Variants in PRKCB observed in about 807,000 individuals in gnomAD.
PRKCB encodes the protein protein kinase C beta type.
Under a neutral mutation model 81.5 loss-of-function variants are expected in PRKCB, and 13 were observed. The ratio of observed to expected loss-of-function variants is 0.16; its 90% CI spans 0.10 to 0.25. The LOEUF is 0.25. PRKCB is among the 10% of genes least tolerant of loss of function. The probability of loss-of-function intolerance (pLI) is 1.00; values close to 1 mark genes in which losing one functional copy is unlikely to be tolerated. For synonymous variants in PRKCB, 335 were observed against 321.4 expected (o/e 1.04, Z -0.45); for missense variants, 509 against 875.7 (o/e 0.58, Z 5.29).
intron 2 of PRKCB, among the ~76,000 whole-genome samples, chr16:23,933,057 G>A (rs1284849964): frequency 8.3e-6 from 1 of 120,414 alleles, no homozygotes; most frequent in Non-Finnish European, 1.9e-5. Flanking sequence ...ATCCAATGGC[G>A]ATTCCTTCTT....
intron 16 of PRKCB, among the ~76,000 whole-genome samples, chr16:24,195,172 G>T (rs1202693167): frequency 1.3e-5 from 2 of 149,862 alleles, no homozygotes; most frequent in African/African-American, 2.5e-5. Context: ...CTGCACTCTA[G>T]CCTGGGCAAC....
chr16:24,107,171 T>C (rs1362808690), intron 7 of PRKCB, among the ~76,000 whole-genome samples: 1 of 152,232 alleles, frequency 6.6e-6, no homozygotes, highest in Non-Finnish European at 1.5e-5. Flanking sequence ...CCCACTCTCG[T>C]ATTTGTTCCC....
intron 8 of PRKCB, among the ~76,000 whole-genome samples, chr16:24,121,606 G>C (rs899168740): frequency 6.6e-6 from 1 of 152,016 alleles, no homozygotes; most frequent in African/African-American, 2.4e-5. Flanking sequence ...TGAACTCCTG[G>C]CCTCAAGCAG....
chr16:24,219,078 G>T lies in PRKCB; in HGVS notation c.*4262G>T. 2.0e-6 allele frequency: 2 copies of T among 985,386 alleles called. No individual in the cohort carries two copies. Among genetic ancestry groups the T allele is most frequent in the Non-Finnish European group, 2.4e-6 (2 of 829,970 alleles). 61.0% of individuals were successfully genotyped at this position (985,386 alleles called of 1,614,324 possible). On this transcript the variant is annotated 3_prime_UTR_variant, in exon 17 of 17. Coordinates refer to ENST00000643927, the MANE Select transcript of PRKCB (RefSeq NM_002738.7). The stretch of plus-strand genomic sequence containing the variant: ...AAGAGGCTTGCAAGGACCCTGAAGA[G>T]GTCGGAGCATCATACAGATTCCTTT...
intron 5 of PRKCB, among the ~76,000 whole-genome samples, 166 bp downstream of exon 5, chr16:24,035,713 C>T (rs546305313): frequency 1.1e-4 from 17 of 152,122 alleles, no homozygotes; most frequent in Non-Finnish European, 2.5e-4. Flanking sequence ...CATGACAGCC[C>T]CTCCCTGCAG....
chr16:23,913,074 TG>T (rs753078949), intron 2 of PRKCB, among the ~76,000 whole-genome samples: 35 of 152,246 alleles, frequency 2.3e-4, no homozygotes, highest in Non-Finnish European at 4.0e-4. Context: ...ATGCTGGGAT[TG>T]CAGGCAAATC....
chr16:24,154,794 G>T lies in PRKCB; in HGVS notation c.1176G>T (p.Arg392=). The change falls in exon 10 of 17, where the codon CGG becomes CGT. Residue 392 remains arginine, a synonymous_variant. Transcript: ENST00000643927. ...DDVECTMVEK[R]VLALPGKPPF... ...TGGAGTGCACTATGGTGGAGAAGCG[G>T]GTGTTGGCCCTGCCTGGGAAGCCGC... 6.2e-7 allele frequency: 1 copy of T among 1,614,190 alleles called. No homozygotes were observed. The highest frequency in any genetic ancestry group is 8.5e-7 in the Non-Finnish European group (1 of 1,180,036).
chr16:24,099,488 A>G (rs1328259437), intron 7 of PRKCB: 1 of 152,204 alleles, frequency 6.6e-6, no homozygotes, highest in East Asian at 1.9e-4. Flanking sequence ...GTTAGATTAC[A>G]GTTTGGTTTT....
chr16:24,193,044 C>T (rs932810036), intron 16 of PRKCB, among the ~76,000 whole-genome samples: 4 of 152,024 alleles, frequency 2.6e-5, no homozygotes, highest in African/African-American at 9.7e-5. Context: ...ACTGCAACCT[C>T]GACCTCCAGG....
intron 2 of PRKCB, among the ~76,000 whole-genome samples, chr16:23,930,958 G>C (rs764026150): frequency 5.3e-5 from 8 of 152,234 alleles, no homozygotes; most frequent in African/African-American, 1.9e-4. Context: ...AAAGCAGGCA[G>C]CAGAGCTGAT....
intron 3 of PRKCB, among the ~76,000 whole-genome samples, chr16:24,023,390 A>G (rs1965432279): frequency 6.6e-6 from 1 of 151,732 alleles, no homozygotes; most frequent in Admixed American, 6.6e-5. Flanking sequence ...TTATTTTGAG[A>G]CGGAGTCTCG....
Position 24,039,238 on chromosome 16 carries a change from A to C in PRKCB, c.529+3691A>C, listed in dbSNP as rs538513696. 2.0e-3 allele frequency among the ~76,000 whole-genome samples: 310 copies of C among 151,594 alleles called. 1 individual carries two copies. Among genetic ancestry groups the C allele is most frequent in the African/African-American group, 6.6e-3 (273 of 41,320 alleles). ...TGTCTTTTTTTCTTTTTTTCTTTTT[A>C]TTTTGTTTTAGATGGAGTCTTGCTC... On this transcript the variant is annotated intron_variant, in intron 5 of 16. Coordinates refer to ENST00000643927, the MANE Select transcript of PRKCB (RefSeq NM_002738.7).
chr16:23,973,030 A>G (rs1176813139), intron 2 of PRKCB, among the ~76,000 whole-genome samples: 1 of 152,160 alleles, frequency 6.6e-6, no homozygotes, highest in African/African-American at 2.4e-5. Flanking sequence ...CTCCATGAGT[A>G]GGTACTCTTA....
intron 9 of PRKCB, among the ~76,000 whole-genome samples, chr16:24,148,871 C>G (rs1417284319): frequency 2.6e-5 from 4 of 152,096 alleles, no homozygotes; most frequent in Non-Finnish European, 5.9e-5. Context: ...CCTGCTTGGC[C>G]CTTTATAGAG....
chr16:23,898,631 T>G (rs9922316), intron 2 of PRKCB, among the ~76,000 whole-genome samples: 118,628 of 152,120 alleles, frequency 0.78, 46,997 homozygotes, highest in East Asian at 0.99. Context: ...AAATGAAGTT[T>G]AAACAAAAAC....
intron 2 of PRKCB, 143 bp downstream of exon 2, chr16:23,837,549 CA>C (rs1419712008): frequency 1.9e-6 from 2 of 1,055,528 alleles, no homozygotes; most frequent in Non-Finnish European, 2.7e-6. Context: ...TTCACCACAA[CA>C]GGGTCCTTTC....
rs921722303 is a variant in PRKCB, at chr16:23,983,858, G to A, written c.206-4650G>A. Among the ~76,000 whole-genome samples, 25 of 152,046 alleles carry A rather than the reference G, an allele frequency of 1.6e-4. No homozygotes were observed. The East Asian group carries it at 3.1e-3, about 19-fold the overall frequency. The stretch of plus-strand genomic sequence containing the variant: ...AGTCTCCTGGGTAGCTGGGATTACC[G>A]GGGCCTGCCACCACACTTTGCTAAT... On this transcript the variant is annotated intron_variant, in intron 2 of 16. Transcript: ENST00000643927.
intron 4 of PRKCB, 36 bp from the exon 5 acceptor site, chr16:24,035,383 C>T (rs1242991827): frequency 4.4e-6 from 7 of 1,603,058 alleles, no homozygotes; most frequent in East Asian, 2.3e-5. Context: ...CAGCCTGGGC[C>T]AGCCTAAGCC....
chr16:24,052,826 C>G, intron 5 of PRKCB, among the ~76,000 whole-genome samples: 1 of 152,186 alleles, frequency 6.6e-6, no homozygotes, highest in Non-Finnish European at 1.5e-5. Flanking sequence ...TGACCTGTAC[C>G]TTGTGCTGAC....
Sources: allele counts gnomAD v4.1 joint callset (sites outside exome capture counted in the v4.1 genomes callset), GRCh38; gene constraint gnomAD v4.1.1; transcripts MANE v1.5; gene names NCBI Gene and HGNC (gene_info 2026-07-23, HGNC 2026-07-21).